The following CRYL1 variants were observed in gnomAD, a reference collection of about 807,000 sequenced individuals.
CRYL1 encodes lambda-crystallin homolog.
Under a neutral mutation model 36.6 loss-of-function variants are expected in CRYL1, and 29 were observed. That is an observed-to-expected ratio of 0.79 (90% confidence interval 0.59 to 1.08). The LOEUF is 1.08. Among genes scored for constraint, CRYL1 ranks in the 50% least tolerant of loss-of-function variants. CRYL1 has a pLI of 0.00. For synonymous variants in CRYL1, 152 were observed against 151.5 expected, an observed-to-expected ratio of 1.00 and a Z score of -0.02; for missense variants, 411 against 407.9, an observed-to-expected ratio of 1.01 and a Z score of -0.06.
At chr13:20,452,684 C>G (rs976334938) in intron 3 of CRYL1, among the ~76,000 whole-genome samples, 1 of 152,132 alleles carries the variant, frequency 6.6e-6, no homozygotes, top group Non-Finnish European at 1.5e-5. Context: ...CAAAAGTGAA[C>G]TCTAATATAA....
chr13:20,465,754 A>G (rs2032918798), intron 3 of CRYL1, among the ~76,000 whole-genome samples: 2 of 152,170 alleles, frequency 1.3e-5, no homozygotes, highest in African/African-American at 4.8e-5. Context: ...CAGCAACAGT[A>G]TGACATGCTC....
chr13:20,443,890 G>C (rs1339826877), intron 3 of CRYL1, among the ~76,000 whole-genome samples: 1 of 152,208 alleles, frequency 6.6e-6, no homozygotes, highest in Non-Finnish European at 1.5e-5. Context: ...AAGGAAATAT[G>C]AATTAGAATC....
chr13:20,407,782 G>T (rs182743938), intron 6 of CRYL1, among the ~76,000 whole-genome samples: 17 of 152,340 alleles, frequency 1.1e-4, no homozygotes, highest in African/African-American at 4.1e-4. Flanking sequence ...TCATGAGATT[G>T]GATGTAGCTT....
Position 20,413,065 on chromosome 13 carries a change from A to C in CRYL1, c.739+217T>G, listed in dbSNP as rs2031564368. Among the ~76,000 whole-genome samples, 3 of 152,142 alleles carry C rather than the reference A, an allele frequency of 2.0e-5. No homozygotes were observed. In the South Asian group the frequency reaches 6.2e-4, roughly 32 times the overall value. On this transcript the variant is annotated intron_variant, in intron 6 of 7. Transcript: ENST00000298248. Reference sequence around the variant, plus strand: ...TTGAGCTCTCACCTGAGCACAATGCACCACACGGAGCCCTGAGGTGCATGC... The same window carrying C: ...TTGAGCTCTCACCTGAGCACAATGCCCCACACGGAGCCCTGAGGTGCATGC...
chr13:20,465,073 T>C (rs1396366118), intron 3 of CRYL1, among the ~76,000 whole-genome samples: 3 of 152,182 alleles, frequency 2.0e-5, no homozygotes, highest in African/African-American at 2.4e-5. Flanking sequence ...AACAACTCCA[T>C]AGTAGTTTAA....
At chr13:20,520,013 T>C (rs2034066475) in intron 1 of CRYL1, among the ~76,000 whole-genome samples, 1 of 152,186 alleles carries the variant, frequency 6.6e-6, no homozygotes, top group South Asian at 2.1e-4. Flanking sequence ...ATTCAATGCC[T>C]GGCATTTGTT....
At position 20,435,682 on chromosome 13, in the gene CRYL1, A is replaced by ACGGCAG. The variant is rs1463201013; in HGVS notation, c.439-3392_439-3387dup. On this transcript the variant is annotated intron_variant, in intron 4 of 7. Coordinates refer to ENST00000298248, the MANE Select transcript of CRYL1 (RefSeq NM_015974.3). The surrounding 1 kb of genome is among the most constrained non-coding windows in gnomAD (Gnocchi z 4.0). ...CCCCCGAAAGGGTTCGACAGATACA[A>ACGGCAG]CGGCAGCGCAGCGCAGGGGCCTGGG... is the stretch of plus-strand genomic sequence containing the variant. Among the ~76,000 whole-genome samples the ACGGCAG allele has an allele frequency of 4.8e-4, 73 of 152,206 alleles. No homozygotes were observed. The highest frequency in any genetic ancestry group is 1.7e-3 in the African/African-American group (71 of 41,510).
intron 3 of CRYL1, among the ~76,000 whole-genome samples, chr13:20,462,901 T>C (rs574870921): frequency 1.3e-5 from 2 of 152,308 alleles, no homozygotes; most frequent in East Asian, 1.9e-4. Flanking sequence ...TTATCATTAC[T>C]AGTATCTCCC....
intron 3 of CRYL1, among the ~76,000 whole-genome samples, chr13:20,451,638 T>C (rs747589131): frequency 6.6e-6 from 1 of 152,214 alleles, no homozygotes; most frequent in Non-Finnish European, 1.5e-5. Context: ...AAACAACAGA[T>C]GCTGGCAAGG....
At chr13:20,445,790 T>C (rs1323178409) in intron 3 of CRYL1, among the ~76,000 whole-genome samples, 5 of 152,196 alleles carry the variant, frequency 3.3e-5, no homozygotes, top group African/African-American at 1.2e-4. Flanking sequence ...AAAAATCAAA[T>C]GGAAAGTCAA....
rs781407016 is a variant in CRYL1 at position 20,525,777 on chromosome 13, G to A, written c.18C>T (p.Ala6=). MASSA[A]GCVVIVGSGV... ...ACCTGCCAACGATCACCACGCAGCC[G>A]GCCGCGGAGGACGCCATGGTTGGGC... Residue 6 remains alanine, a synonymous_variant, in exon 1 of 8, where the codon GCC becomes GCT. Transcript: ENST00000298248. The surrounding 1 kb of genome is among the most constrained non-coding windows in gnomAD (Gnocchi z 4.3). 3 of 1,289,852 alleles carry A rather than the reference G, an allele frequency of 2.3e-6. No individual in the cohort carries two copies. Among genetic ancestry groups the A allele is most frequent in the South Asian group, 2.5e-5 (1 of 40,342 alleles). The allele number at this position is 1,289,852 out of a possible 1,614,324, so 79.9% of individuals were successfully genotyped here.
At chr13:20,483,862 G>C (rs137966022) in intron 3 of CRYL1, among the ~76,000 whole-genome samples, 2,648 of 152,144 alleles carry the variant, frequency 0.017, 148 homozygotes, top group Admixed American at 0.11. Flanking sequence ...CTGTCGCCAG[G>C]CTGGAGTGCA....
intron 2 of CRYL1, among the ~76,000 whole-genome samples, chr13:20,491,967 G>C (rs954051632): frequency 3.3e-5 from 5 of 152,170 alleles, no homozygotes; most frequent in African/African-American, 1.2e-4. Flanking sequence ...ACTGGTCCAA[G>C]GTAAGTGCCA....
At chr13:20,449,007 A>G (rs2137414864) in intron 3 of CRYL1, among the ~76,000 whole-genome samples, 1 of 152,308 alleles carries the variant, frequency 6.6e-6, no homozygotes, top group East Asian at 1.9e-4. Context: ...GTCTCTATGA[A>G]AAATACAAAA....
chr13:20,436,908 G>A (rs1343916129), intron 4 of CRYL1, among the ~76,000 whole-genome samples: 2 of 102,240 alleles, frequency 2.0e-5, no homozygotes, highest in Admixed American at 1.2e-4. Flanking sequence ...GCTGGCCTGG[G>A]GGTGCTTCTC....
intron 2 of CRYL1, among the ~76,000 whole-genome samples, chr13:20,495,797 T>C (rs2033594861): frequency 6.6e-6 from 1 of 152,216 alleles, no homozygotes; most frequent in African/African-American, 2.4e-5. Context: ...TGGAATCTTA[T>C]TCGGCCCCAC....
chr13:20,441,930 CAG>C (rs2032358785), intron 3 of CRYL1, among the ~76,000 whole-genome samples: 1 of 151,004 alleles, frequency 6.6e-6, no homozygotes, highest in South Asian at 2.1e-4. Context: ...ATCTCAAAGA[CAG>C]AAAAAAAAAA....
At chr13:20,469,480 T>G (rs1303266353) in intron 3 of CRYL1, among the ~76,000 whole-genome samples, 1 of 152,168 alleles carries the variant, frequency 6.6e-6, no homozygotes, top group Non-Finnish European at 1.5e-5. Flanking sequence ...TTCAGCTACG[T>G]GCAATCTAAT....
At chr13:20,513,026 G>T (rs2033941492) in intron 1 of CRYL1, among the ~76,000 whole-genome samples, 1 of 152,176 alleles carries the variant, frequency 6.6e-6, no homozygotes, top group African/African-American at 2.4e-5. Flanking sequence ...CACATTCTAT[G>T]CATGTAACAA....
Sources: allele counts gnomAD v4.1 joint callset (sites outside exome capture counted in the v4.1 genomes callset), GRCh38; gene constraint gnomAD v4.1.1; non-coding constraint Gnocchi (gnomAD v3.1); transcripts MANE v1.5; gene names NCBI Gene and HGNC (gene_info 2026-07-23, HGNC 2026-07-21).